Variants in BMPR2 observed in about 807,000 individuals in gnomAD.
BMPR2 encodes the protein bone morphogenetic protein receptor type-2.
A neutral mutation model predicts 100.8 loss-of-function variants in BMPR2; 29 were observed. The observed-to-expected ratio is 0.29, with a 90% CI of 0.21 to 0.39. BMPR2 has a LOEUF of 0.39. BMPR2 is among the 10% of genes least tolerant of loss of function. BMPR2 has a pLI of 1.00. For missense variants in BMPR2, 1,011 were observed against 1,274.5 expected (o/e 0.79, Z 3.15); for synonymous variants, 382 against 442.3 (o/e 0.86, Z 1.71).
intron 11 of BMPR2, among the ~76,000 whole-genome samples, chr2:202,553,457 G>T (rs894895091): frequency 6.6e-6 from 1 of 151,744 alleles, no homozygotes; most frequent in Non-Finnish European, 1.5e-5. Context: ...TATGATTTTT[G>T]GTTCTAAATA....
At position 202,377,375 on chromosome 2, in the gene BMPR2, T is replaced by G; in HGVS notation, c.-100T>G. 1 of 1,107,190 alleles carries G rather than the reference T, an allele frequency of 9.0e-7. No individual in the cohort carries two copies. Among genetic ancestry groups the G allele is most frequent in the South Asian group, 1.2e-5 (1 of 80,930 alleles). 68.6% of individuals were successfully genotyped at this position (1,107,190 alleles called of 1,614,324 possible). A position where few individuals can be genotyped will look rare whatever the true frequency, so the allele number is the denominator to read the frequency against. ...AAACTGTATTGTGATACGGGCAGGA[T>G]CAGTCCACGGGAGAGAAGACGAGCC... On this transcript the variant is annotated 5_prime_UTR_variant, in exon 1 of 13. Transcript: ENST00000374580.
intron 1 of BMPR2, among the ~76,000 whole-genome samples, chr2:202,440,037 G>A (rs1309778031): frequency 6.6e-6 from 1 of 150,432 alleles, no homozygotes; most frequent in African/African-American, 2.5e-5. Context: ...CGGGTTGGGG[G>A]TAAGATTATA....
intron 1 of BMPR2, among the ~76,000 whole-genome samples, chr2:202,404,613 A>G (rs1404504059): frequency 6.6e-6 from 1 of 152,230 alleles, no homozygotes; most frequent in African/African-American, 2.4e-5. Context: ...TACAGCAATA[A>G]ACGAGATAAA....
intron 3 of BMPR2, among the ~76,000 whole-genome samples, chr2:202,497,484 C>T (rs1462016936): frequency 1.3e-5 from 2 of 152,222 alleles, no homozygotes; most frequent in Non-Finnish European, 2.9e-5. Flanking sequence ...TCTCTAACAA[C>T]CCCCGACTCT....
intron 1 of BMPR2, among the ~76,000 whole-genome samples, chr2:202,398,812 A>G (rs935939084): frequency 2.6e-5 from 4 of 152,218 alleles, no homozygotes; most frequent in South Asian, 2.1e-4. Flanking sequence ...CCTGACTTCA[A>G]TGGCACTTAT....
intron 1 of BMPR2, among the ~76,000 whole-genome samples, chr2:202,439,416 T>C (rs1691684992): frequency 6.8e-6 from 1 of 147,536 alleles, no homozygotes; most frequent in Non-Finnish European, 1.5e-5. Flanking sequence ...TTCCTTAGGA[T>C]TTGTTTATAT....
intron 1 of BMPR2, among the ~76,000 whole-genome samples, chr2:202,442,609 C>G (rs915224614): frequency 1.3e-5 from 2 of 150,382 alleles, no homozygotes; most frequent in African/African-American, 5.0e-5. Context: ...TTCACCCTCC[C>G]TCTAGCTCCT....
chr2:202,393,916 AGAGAGAGAGAGAGAGAGAT>A (rs1559024389), intron 1 of BMPR2, among the ~76,000 whole-genome samples: 3 of 138,564 alleles, frequency 2.2e-5, no homozygotes, highest in Non-Finnish European at 4.8e-5. Context: ...AGAGAGAGAG[AGAGAGAGAGAGAGAGAGAT>A]TCCTGTGAGA....
intron 3 of BMPR2, among the ~76,000 whole-genome samples, chr2:202,497,239 GC>G (rs1330256509): frequency 6.6e-6 from 1 of 152,088 alleles, no homozygotes. Flanking sequence ...GATGAGTGCC[GC>G]CCCCTGCTCC....
In BMPR2 at chr2:202,538,687, G is replaced by A. The variant is rs541111024; in HGVS notation, c.1277-3624G>A. Among the ~76,000 whole-genome samples, 4 of 151,564 alleles carry A rather than the reference G, an allele frequency of 2.6e-5. No individual in the cohort carries two copies. In the South Asian group the frequency reaches 8.4e-4, roughly 32 times the overall value. On this transcript the variant is annotated intron_variant, in intron 9 of 12. Coordinates refer to ENST00000374580, the MANE Select transcript of BMPR2 (RefSeq NM_001204.7). The stretch of plus-strand genomic sequence containing the variant: ...TGGGCACCTGTAATCCCAGCTACTC[G>A]GGAGGCTGAGGCAAGAGAATTGCTT...
rs1574415670 is a variant in BMPR2 at position 202,377,327 on chromosome 2, T to A, written c.-148T>A. ...GCATGAAAGCTCTGCAGCTAGGTCC[T>A]CTCATCAGCCATTTGTCCTTTCAAA... On this transcript the variant is annotated 5_prime_UTR_variant, in exon 1 of 13. Transcript: ENST00000374580. 1.3e-6 allele frequency: 1 copy of A among 782,250 alleles called. No homozygotes were observed. The highest frequency in any genetic ancestry group is 2.6e-5 in the East Asian group (1 of 39,094). 48.5% of individuals were successfully genotyped at this position (782,250 alleles called of 1,614,324 possible).
chr2:202,556,394 G>A lies in BMPR2; in HGVS notation c.2729G>A (p.Cys910Tyr). 2 of 1,614,196 alleles carry A rather than the reference G, an allele frequency of 1.2e-6. No homozygotes were observed. Among genetic ancestry groups the A allele is most frequent in the South Asian group, 2.2e-5 (2 of 91,078 alleles). ...TCCAATAACAACAACAGCAATCCAT[G>A]TTCAGAACAAGATGTTCTTGCACAG... ...TNSNNNNSNP[C>Y]SEQDVLAQGV... The change falls in exon 12 of 13, where the codon TGT (cysteine) becomes TAT (tyrosine). Residue 910 changes from cysteine to tyrosine, a missense_variant. Coordinates refer to ENST00000374580, the MANE Select transcript of BMPR2 (RefSeq NM_001204.7).
At chr2:202,480,459 G>A (rs1692637002) in intron 3 of BMPR2, among the ~76,000 whole-genome samples, 1 of 152,026 alleles carries the variant, frequency 6.6e-6, no homozygotes, top group African/African-American at 2.4e-5. Context: ...CAGTCACAAA[G>A]GTTTGCTGTT....
chr2:202,501,080 G>A (rs1687378368), intron 3 of BMPR2, among the ~76,000 whole-genome samples: 1 of 152,196 alleles, frequency 6.6e-6, no homozygotes. Flanking sequence ...GTGCCAGCAG[G>A]CTACTCTAGA....
intron 9 of BMPR2, among the ~76,000 whole-genome samples, chr2:202,536,320 C>G (rs1264762243): frequency 2.0e-5 from 3 of 151,928 alleles, no homozygotes; most frequent in African/African-American, 7.3e-5. Flanking sequence ...CACCATGTTG[C>G]TCAGGCTGGT....
intron 3 of BMPR2, among the ~76,000 whole-genome samples, chr2:202,510,969 G>A (rs1044033452): frequency 2.0e-5 from 3 of 149,454 alleles, no homozygotes; most frequent in African/African-American, 7.4e-5. Flanking sequence ...GTGAGCCACC[G>A]CACCTGGCTT....
intron 3 of BMPR2, among the ~76,000 whole-genome samples, chr2:202,489,429 CAGT>C (rs1692852274): frequency 6.6e-6 from 1 of 152,084 alleles, no homozygotes; most frequent in South Asian, 2.1e-4. Context: ...AAAGTAAAGA[CAGT>C]GGTGATTAAT....
At chr2:202,500,509 A>C (rs1687361129) in intron 3 of BMPR2, among the ~76,000 whole-genome samples, 1 of 152,192 alleles carries the variant, frequency 6.6e-6, no homozygotes, top group Admixed American at 6.5e-5. Context: ...TTGGAAGGGC[A>C]AAAAATGCCC....
intron 3 of BMPR2, among the ~76,000 whole-genome samples, chr2:202,493,567 A>G (rs1435969387): frequency 1.3e-5 from 2 of 152,148 alleles, no homozygotes; most frequent in East Asian, 1.9e-4. Flanking sequence ...TTTTATTCCA[A>G]TCAAATATAA....
Sources: allele counts gnomAD v4.1 joint callset (sites outside exome capture counted in the v4.1 genomes callset), GRCh38; gene constraint gnomAD v4.1.1; transcripts MANE v1.5; gene names NCBI Gene and HGNC (gene_info 2026-07-23, HGNC 2026-07-21).